Variants in GALNT17 observed in about 807,000 individuals in gnomAD.
GALNT17 encodes UDP-GalNAc:polypeptide N-acetylgalactosaminyltransferase-like 3.
Under a neutral mutation model 63.7 loss-of-function variants are expected in GALNT17, and 29 were observed. The ratio of observed to expected loss-of-function variants is 0.46; its 90% CI spans 0.34 to 0.62. GALNT17 has a LOEUF of 0.62. Ranked by LOEUF, GALNT17 falls within the 20% of genes least tolerant of loss-of-function variation. The pLI, the probability that GALNT17 is intolerant of heterozygous loss-of-function variation, is 0.01. For synonymous variants in GALNT17, 305 were observed against 318.3 expected, an observed-to-expected ratio of 0.96 and a Z score of 0.45; for missense variants, 603 against 799.6, an observed-to-expected ratio of 0.75 and a Z score of 2.97.
At position 71,512,366 on chromosome 7, in the gene GALNT17, C is replaced by T. The variant is rs956033962; in HGVS notation, c.963-58919C>T. On this transcript the variant is annotated intron_variant, in intron 5 of 10. Transcript: ENST00000333538. ...CTTCTTTGCTCTCTGTGTCGTGACA[C>T]GTGACAGTGAGAGGTAGCCCAGGGT... Among the ~76,000 whole-genome samples, 12 of 152,058 alleles carry T rather than the reference C, an allele frequency of 7.9e-5. No homozygotes were observed. The East Asian group carries it at 1.2e-3, about 15-fold the overall frequency.
At chr7:71,325,064 CTG>C (rs1193069846) in intron 1 of GALNT17, among the ~76,000 whole-genome samples, 1 of 152,140 alleles carries the variant, frequency 6.6e-6, no homozygotes, top group African/African-American at 2.4e-5. Context: ...GAAGGATAAA[CTG>C]TATTTTTCAG....
At chr7:71,596,000 G>C (rs1789880051) in intron 6 of GALNT17, among the ~76,000 whole-genome samples, 1 of 152,104 alleles carries the variant, frequency 6.6e-6, no homozygotes, top group African/African-American at 2.4e-5. Flanking sequence ...TTCTTTGCGG[G>C]TATTGAAAAT....
chr7:71,290,026 C>T (rs942792687), intron 1 of GALNT17, among the ~76,000 whole-genome samples: 10 of 152,078 alleles, frequency 6.6e-5, no homozygotes, highest in South Asian at 2.1e-4. Flanking sequence ...GCATGGGCAA[C>T]GAAGCAAGAC....
At chr7:71,660,340 C>T (rs771399285) in intron 6 of GALNT17, among the ~76,000 whole-genome samples, 38 of 152,202 alleles carry the variant, frequency 2.5e-4, no homozygotes, top group Non-Finnish European at 4.3e-4. Flanking sequence ...TCCAACCCAT[C>T]TGGAAGTCCT....
intron 1 of GALNT17, among the ~76,000 whole-genome samples, chr7:71,242,845 C>T (rs919119770): frequency 1.3e-5 from 2 of 152,218 alleles, no homozygotes; most frequent in African/African-American, 4.8e-5. Flanking sequence ...TTATGTCTCC[C>T]AGGGTGCCCA....
intron 1 of GALNT17, among the ~76,000 whole-genome samples, chr7:71,313,828 C>A (rs535583113): frequency 6.6e-6 from 1 of 151,952 alleles, no homozygotes; most frequent in East Asian, 1.9e-4. Flanking sequence ...GTAACTATTT[C>A]GGTGGTTGCA....
rs139497731 is a variant in GALNT17, at chr7:71,284,971, T to C, written c.239-50579T>C. Among the ~76,000 whole-genome samples the C allele has an allele frequency of 2.9e-3, 434 of 152,178 alleles. 4 individuals are homozygous for C. The highest frequency in any genetic ancestry group is 0.01 in the African/African-American group (419 of 41,526). ...TGGTGGGGTGGCATCCAAGGTGTTA[T>C]GGGGCCTGAAGCTTACACAATTTTG... On this transcript the variant is annotated intron_variant, in intron 1 of 10. Transcript: ENST00000333538.
chr7:71,311,352 A>G (rs2115943948), intron 1 of GALNT17, among the ~76,000 whole-genome samples: 1 of 152,332 alleles, frequency 6.6e-6, no homozygotes, highest in Non-Finnish European at 1.5e-5. Context: ...TGGCTAAGCC[A>G]TACCGGAATG....
At chr7:71,456,715 A>G (rs187793010) in intron 5 of GALNT17, among the ~76,000 whole-genome samples, 1 of 152,124 alleles carries the variant, frequency 6.6e-6, no homozygotes, top group Non-Finnish European at 1.5e-5. Flanking sequence ...ATCTAATGGC[A>G]TTCTTGAACC....
intron 2 of GALNT17, among the ~76,000 whole-genome samples, chr7:71,381,394 C>T (rs1370280280): frequency 6.6e-6 from 1 of 152,108 alleles, no homozygotes; most frequent in Non-Finnish European, 1.5e-5. Flanking sequence ...CTATCCCTTG[C>T]GGACTGGGAG....
chr7:71,296,918 A>G (rs1313159998), intron 1 of GALNT17, among the ~76,000 whole-genome samples: 1 of 152,236 alleles, frequency 6.6e-6, no homozygotes, highest in African/African-American at 2.4e-5. Flanking sequence ...TGAACACGCC[A>G]TGCCAGGAGC....
At chr7:71,478,740 G>A (rs942598736) in intron 5 of GALNT17, among the ~76,000 whole-genome samples, 3 of 152,138 alleles carry the variant, frequency 2.0e-5, no homozygotes, top group African/African-American at 7.2e-5. Context: ...ACAGACAAAG[G>A]TCTGTGAAGA....
At chr7:71,365,859 C>A (rs1338244959) in intron 2 of GALNT17, among the ~76,000 whole-genome samples, 3 of 151,924 alleles carry the variant, frequency 2.0e-5, no homozygotes, top group Non-Finnish European at 4.4e-5. Flanking sequence ...ATTGATTGTG[C>A]ACTTGTTTCT....
intron 8 of GALNT17, among the ~76,000 whole-genome samples, chr7:71,674,994 G>GC (rs1482970353): frequency 2.0e-5 from 3 of 152,058 alleles, no homozygotes; most frequent in African/African-American, 7.2e-5. Context: ...GACCATCCTG[G>GC]CCAATATGGT....
At chr7:71,700,087 T>C (rs35325385) in intron 9 of GALNT17, among the ~76,000 whole-genome samples, 20,735 of 149,882 alleles carry the variant, frequency 0.14, 1,620 homozygotes, top group African/African-American at 0.21. Context: ...AGGCTAGGAG[T>C]TCAAGACCAG....
At chr7:71,601,408 G>A (rs560914691) in intron 6 of GALNT17, among the ~76,000 whole-genome samples, 1 of 151,964 alleles carries the variant, frequency 6.6e-6, no homozygotes, top group African/African-American at 2.4e-5. Context: ...GGAGTGATTT[G>A]GTATAATGGA....
intron 5 of GALNT17, among the ~76,000 whole-genome samples, chr7:71,483,696 T>C (rs1787860707): frequency 6.6e-6 from 1 of 152,064 alleles, no homozygotes. Flanking sequence ...AAATCCCTTC[T>C]TCAGTGACAA....
intron 1 of GALNT17, among the ~76,000 whole-genome samples, chr7:71,330,936 C>A (rs1432622633): frequency 3.3e-5 from 5 of 152,160 alleles, no homozygotes; most frequent in Non-Finnish European, 7.3e-5. Context: ...CCTCTCTGCA[C>A]CCTCTGCCAC....
At chr7:71,600,206 C>T (rs1789945706) in intron 6 of GALNT17, among the ~76,000 whole-genome samples, 1 of 148,014 alleles carries the variant, frequency 6.8e-6, no homozygotes, top group Admixed American at 6.8e-5. Context: ...ACAGCAGATC[C>T]ATGGTATTGA....
Sources: gnomAD v4.1 joint callset for allele counts (sites outside exome capture counted in the v4.1 genomes callset) on GRCh38, gnomAD v4.1.1 for gene constraint, MANE v1.5 for transcripts, NCBI Gene and HGNC (gene_info 2026-07-23, HGNC 2026-07-21) for gene names.